BAZ2B: variants seen among roughly 807,000 people sequenced by gnomAD.
BAZ2B encodes the protein bromodomain adjacent to zinc finger domain protein 2B.
A neutral mutation model predicts 246.0 loss-of-function variants in BAZ2B; 91 were observed. That is an observed-to-expected ratio of 0.37 (90% CI 0.31 to 0.44). The LOEUF (loss-of-function observed/expected upper bound fraction) is 0.44, where lower values mean the gene tolerates loss of function less well. Among genes scored for constraint, BAZ2B ranks in the 20% least tolerant of loss-of-function variants. The pLI, the probability that BAZ2B is intolerant of heterozygous loss-of-function variation, is 1.00. For synonymous variants in BAZ2B, 855 were observed against 860.0 expected, an observed-to-expected ratio of 0.99 and a Z score of 0.10; for missense variants, 2,332 against 2,533.7, an observed-to-expected ratio of 0.92 and a Z score of 1.71.
chr2:159,427,737 A>G (rs1037625374), intron 13 of BAZ2B, among the ~76,000 whole-genome samples: 1 of 152,136 alleles, frequency 6.6e-6, no homozygotes, highest in Non-Finnish European at 1.5e-5. Flanking sequence ...CTTAAATATG[A>G]AAAAGATACC....
At chr2:159,630,675 A>C in the BAZ2B span, among the ~76,000 whole-genome samples, 1 of 151,866 alleles carries the variant, frequency 6.6e-6, no homozygotes, top group Non-Finnish European at 1.5e-5. Flanking sequence ...CTGGGACTAC[A>C]GGCGCCCGCT....
intron 25 of BAZ2B, among the ~76,000 whole-genome samples, chr2:159,375,913 G>A (rs2061366171): frequency 6.6e-6 from 1 of 152,136 alleles, no homozygotes; most frequent in Non-Finnish European, 1.5e-5. Flanking sequence ...CTATATACTT[G>A]ATATACTTGA....
chr2:159,406,625 C>T lies in BAZ2B; in HGVS notation c.2678-1511G>A, dbSNP rs145729145. On this transcript the variant is annotated intron_variant, in intron 14 of 36. Coordinates refer to ENST00000392783, the MANE Select transcript of BAZ2B (RefSeq NM_013450.4). ...ATTATACATTGTTTAAATTTTGTAGCCACTGAACAAAGAAACCTAAATTAT... is the reference window on the plus strand; with the variant it reads ...ATTATACATTGTTTAAATTTTGTAGTCACTGAACAAAGAAACCTAAATTAT... Among the ~76,000 whole-genome samples the T allele has an allele frequency of 5.3e-3, 802 of 152,198 alleles. 7 individuals are homozygous for T. The highest frequency in any genetic ancestry group is 0.018 in the African/African-American group (754 of 41,542).
chr2:159,433,103 C>A lies in BAZ2B; in HGVS notation c.1554G>T (p.Lys518Asn), dbSNP rs1467486473. The A allele has an allele frequency of 6.2e-7, 1 of 1,614,178 alleles. No homozygotes were observed. Among genetic ancestry groups the A allele is most frequent in the Non-Finnish European group, 8.5e-7 (1 of 1,180,018 alleles). Residue 518 changes from lysine (K) to asparagine (N), a missense_variant, in exon 9 of 37, where the codon AAG becomes AAT. Transcript: ENST00000392783. ...TTGCAGCAGCAATGTTTTCATTAAT[C>A]TTGCTCTGCATTTTAGTTTTGGTAG... ...ALTTKTKMQS[K>N]INENIAAASS...
chr2:159,358,395 CACA>C (rs1474859309), intron 27 of BAZ2B, among the ~76,000 whole-genome samples: 1 of 152,082 alleles, frequency 6.6e-6, no homozygotes, highest in Non-Finnish European at 1.5e-5. Flanking sequence ...AAGGGATCAA[CACA>C]ACAAGAAGAG....
At chr2:159,456,131 C>T (rs912335674) in intron 3 of BAZ2B, among the ~76,000 whole-genome samples, 2 of 151,498 alleles carry the variant, frequency 1.3e-5, no homozygotes, top group African/African-American at 4.8e-5. Context: ...GGGAAGTAAC[C>T]TCAAAATTAC....
the BAZ2B span, among the ~76,000 whole-genome samples, chr2:159,709,644 T>C: frequency 6.6e-6 from 1 of 152,204 alleles, no homozygotes; most frequent in South Asian, 2.1e-4. Context: ...CTTTTCAATG[T>C]CCCACCATTT....
At position 159,432,856 on chromosome 2, in the gene BAZ2B, T is replaced by C. The variant is rs772611736; in HGVS notation, c.1801A>G (p.Ser601Gly). 5 of 1,614,082 alleles carry C rather than the reference T, an allele frequency of 3.1e-6. No individual in the cohort carries two copies. The East Asian group carries it at 8.9e-5, about 29-fold the overall frequency. The change falls in exon 9 of 37, where the codon AGT becomes GGT. Residue 601 changes from serine to glycine, a missense_variant. Ser to Gly is a moderately conservative substitution (Grantham distance 56). Transcript: ENST00000392783. ...FRGTDSDIPS[S>G]KDSEDSNEDE... ...TCATTTGAATCTTCAGAATCTTTAC[T>C]ACTGGGAATGTCTGAATCTGTTCCT...
intron 2 of BAZ2B, among the ~76,000 whole-genome samples, chr2:159,498,298 T>C (rs545226061): frequency 2.0e-5 from 3 of 152,346 alleles, no homozygotes; most frequent in African/African-American, 7.2e-5. Context: ...GTCAACATTA[T>C]TTATTTTATA....
chr2:159,330,253 T>G (rs931457227), intron 34 of BAZ2B, among the ~76,000 whole-genome samples: 11 of 152,154 alleles, frequency 7.2e-5, no homozygotes, highest in African/African-American at 2.4e-4. Context: ...ACAAAGCAGA[T>G]ACTATCCCAT....
chr2:159,408,385 G>A (rs1172051242), intron 14 of BAZ2B, among the ~76,000 whole-genome samples: 1 of 152,062 alleles, frequency 6.6e-6, no homozygotes, highest in Non-Finnish European at 1.5e-5. Context: ...TTCCCGGGCT[G>A]GTATTGAACT....
intron 14 of BAZ2B, among the ~76,000 whole-genome samples, chr2:159,406,892 C>T (rs1165986272): frequency 2.6e-5 from 4 of 151,856 alleles, no homozygotes; most frequent in Non-Finnish European, 5.9e-5. Context: ...GCAGCTGGGA[C>T]TACAGGCGCC....
At chr2:159,386,069 CTGT>C (rs1383088599) in intron 22 of BAZ2B, among the ~76,000 whole-genome samples, 8 of 152,112 alleles carry the variant, frequency 5.3e-5, no homozygotes, top group Non-Finnish European at 8.8e-5. Flanking sequence ...ATTATGAATT[CTGT>C]TGTTGATGAA....
the BAZ2B span, among the ~76,000 whole-genome samples, chr2:159,622,263 CAAAAAAAA>C: frequency 3.1e-5 from 2 of 64,982 alleles, no homozygotes; most frequent in Non-Finnish European, 5.8e-5. Context: ...AGTACTGTCT[CAAAAAAAA>C]AAAAAAAAAA....
At chr2:159,673,814 T>C in the BAZ2B span, among the ~76,000 whole-genome samples, 1 of 152,048 alleles carries the variant, frequency 6.6e-6, no homozygotes, top group Non-Finnish European at 1.5e-5. Context: ...TAATTACATG[T>C]GAAGATATAC....
At chr2:159,424,540 T>C (rs983065189) in intron 13 of BAZ2B, among the ~76,000 whole-genome samples, 2 of 152,186 alleles carry the variant, frequency 1.3e-5, no homozygotes, top group Non-Finnish European at 2.9e-5. Context: ...TGTTATGTGT[T>C]AAGTAAAATT....
At chr2:159,616,120 G>C (rs1696058501) in intron 1 of BAZ2B, 122 bp downstream of exon 1, 1 of 152,322 alleles carries the variant, frequency 6.6e-6, no homozygotes, top group Non-Finnish European at 1.5e-5. Context: ...CCTCCACGCA[G>C]CAACTCCGGA....
intron 2 of BAZ2B, among the ~76,000 whole-genome samples, chr2:159,511,628 T>C (rs933105240): frequency 3.4e-4 from 52 of 152,168 alleles, no homozygotes; most frequent in Non-Finnish European, 6.3e-4. Flanking sequence ...CATTTCTTTT[T>C]CCCCAACTGA....
chr2:159,343,236 C>T (rs1206651226), intron 31 of BAZ2B, among the ~76,000 whole-genome samples: 3 of 152,084 alleles, frequency 2.0e-5, no homozygotes, highest in Non-Finnish European at 4.4e-5. Flanking sequence ...TAAACTAGAC[C>T]CCCACCTCTT....
Sources: allele counts gnomAD v4.1 joint callset (sites outside exome capture counted in the v4.1 genomes callset), GRCh38; gene constraint gnomAD v4.1.1; transcripts MANE v1.5; gene names NCBI Gene and HGNC (gene_info 2026-07-23, HGNC 2026-07-21).